ZNF683: variants seen among roughly 807,000 people sequenced by gnomAD.
The protein encoded by ZNF683 is zinc finger protein 683, also known as tissue-resident T-cell transcription regulator protein ZNF683.
In ZNF683, 20 loss-of-function variants were observed where a neutral mutation model predicts 31.4. That is an observed-to-expected ratio of 0.64 (90% CI 0.45 to 0.93). The LOEUF is 0.93. Among genes scored for constraint, ZNF683 ranks in the 40% least tolerant of loss-of-function variants. The probability of loss-of-function intolerance (pLI) is 0.00; values close to 1 mark genes in which losing one functional copy is unlikely to be tolerated. For synonymous variants in ZNF683, 264 were observed against 267.6 expected (o/e 0.99, Z 0.13); for missense variants, 621 against 637.2 (o/e 0.97, Z 0.27).
chr1:26,372,097 C>T (rs982649104), intron 1 of ZNF683, among the ~76,000 whole-genome samples: 2 of 152,126 alleles, frequency 1.3e-5, no homozygotes, highest in African/African-American at 2.4e-5. Flanking sequence ...TGAGTCTGGC[C>T]CAGGGTGCAA....
chr1:26,371,463 G>C (rs1345176695), intron 1 of ZNF683, among the ~76,000 whole-genome samples: 1 of 152,050 alleles, frequency 6.6e-6, no homozygotes, highest in African/African-American at 2.4e-5. Flanking sequence ...AGCTGGGCAT[G>C]GTGACTTGCA....
chr1:26,361,693 A>C lies in ZNF683; in HGVS notation c.1473T>G (p.Ser491Arg). 6.2e-7 allele frequency: 1 copy of C among 1,613,946 alleles called. No homozygotes were observed. The highest frequency in any genetic ancestry group is 2.2e-5 in the East Asian group (1 of 44,888). ...GCCCCATCACCAGGGGAGTCCCGGCACTGCTCAGGCTCACTGCTCTTGCTT... is the reference window on the plus strand; with the variant it reads ...GCCCCATCACCAGGGGAGTCCCGGCCCTGCTCAGGCTCACTGCTCTTGCTT... Reference protein sequence around the residue: ...QGKARAVSLSSAGTPLVMGQD... With the variant: ...QGKARAVSLSRAGTPLVMGQD... The change falls in exon 6 of 6, where the codon AGT becomes AGG. Residue 491 changes from serine (S) to arginine (R), a missense_variant. Ser to Arg is a moderately radical substitution (Grantham distance 110). Transcript: ENST00000349618.
intron 1 of ZNF683, 182 bp downstream of exon 1, chr1:26,372,486 TG>T (rs1473239942): frequency 7.7e-7 from 1 of 1,304,638 alleles, no homozygotes; most frequent in Admixed American, 2.3e-5. Context: ...CAGGCATACA[TG>T]GACTAGGTCG....
intron 2 of ZNF683, among the ~76,000 whole-genome samples, 156 bp from the exon 3 acceptor site, chr1:26,367,953 T>A (rs572505844): frequency 6.6e-6 from 1 of 152,240 alleles, no homozygotes; most frequent in South Asian, 2.1e-4. Context: ...TCTTCCCTCA[T>A]CCAAAGATCT....
At chr1:26,369,304 C>T (rs1443167498) in intron 1 of ZNF683, among the ~76,000 whole-genome samples, 1 of 152,024 alleles carries the variant, frequency 6.6e-6, no homozygotes, top group East Asian at 1.9e-4. Context: ...GCAGATGGAT[C>T]ACCTGAGGTC....
At chr1:26,372,131 G>C (rs11247935) in intron 1 of ZNF683, among the ~76,000 whole-genome samples, 34,620 of 151,892 alleles carry the variant, frequency 0.23, 4,419 homozygotes, top group East Asian at 0.58. Flanking sequence ...CCATCAATCT[G>C]CACCCCAGCC....
intron 4 of ZNF683, among the ~76,000 whole-genome samples, 168 bp from the exon 5 acceptor site, chr1:26,363,322 G>T (rs2074432541): frequency 6.6e-6 from 1 of 152,222 alleles, no homozygotes; most frequent in African/African-American, 2.4e-5. Context: ...GGAGATGGCA[G>T]TGGTCAGAAG....
intron 3 of ZNF683, among the ~76,000 whole-genome samples, chr1:26,366,357 A>AAAAAAAAAAAAAAAAAAG (rs2074523178): frequency 1.3e-5 from 2 of 151,402 alleles, no homozygotes; most frequent in African/African-American, 4.9e-5. Flanking sequence ...AAAAAAAAAA[A>AAAAAAAAAAAAAAAAAAG]AAAAAAAAGC....
chr1:26,361,643 A>G lies in ZNF683; in HGVS notation c.*8T>C. ...AGGAAGCCTCAAAGCATGACAGAAGAAACATTTTTAATTGTTCTGGTCCTG... is the reference window on the plus strand; with the variant it reads ...AGGAAGCCTCAAAGCATGACAGAAGGAACATTTTTAATTGTTCTGGTCCTG... On this transcript the variant is annotated 3_prime_UTR_variant, in exon 6 of 6. Transcript: ENST00000349618. The G allele has an allele frequency of 6.3e-7, 1 of 1,591,584 alleles. No homozygotes were observed. Among genetic ancestry groups the G allele is most frequent in the South Asian group, 1.1e-5 (1 of 87,674 alleles).
intron 1 of ZNF683, among the ~76,000 whole-genome samples, chr1:26,369,672 A>AAAAAAAAAAAAAGAAAG: frequency 7.6e-6 from 1 of 132,428 alleles, no homozygotes; most frequent in African/African-American, 3.4e-5. Flanking sequence ...TGTCTCCAAA[A>AAAAAAAAAAAAAGAAAG]AAAAAAAATT....
intron 1 of ZNF683, among the ~76,000 whole-genome samples, chr1:26,369,820 C>T (rs756239625): frequency 1.3e-5 from 2 of 151,884 alleles, no homozygotes; most frequent in African/African-American, 4.8e-5. Flanking sequence ...CAGAGTGAGA[C>T]TCGGTTCAAA....
At position 26,369,774 on chromosome 1, in the gene ZNF683, A is replaced by T. The variant is rs187293527; in HGVS notation, c.-14-1189T>A. 9.0e-4 allele frequency among the ~76,000 whole-genome samples: 132 copies of T among 147,128 alleles called. 3 individuals are homozygous for T. Among genetic ancestry groups the T allele is most frequent in the Admixed American group, 8.6e-3 (129 of 14,928 alleles). Reference sequence around the variant, plus strand: ...GAACCCAAGAGGCGGAGGTTGCAGTAGCCGAGATCATGTCACTGCACTCCA... The same window carrying T: ...GAACCCAAGAGGCGGAGGTTGCAGTTGCCGAGATCATGTCACTGCACTCCA... On this transcript the variant is annotated intron_variant, in intron 1 of 5. Transcript: ENST00000349618.
intron 4 of ZNF683, 120 bp from the exon 5 acceptor site, chr1:26,363,274 A>T: frequency 7.7e-7 from 1 of 1,294,176 alleles, no homozygotes; most frequent in East Asian, 2.6e-5. Context: ...AGGGCCCATC[A>T]TCCCCAGGAT....
chr1:26,370,594 C>T, intron 1 of ZNF683: 1 of 953,480 alleles, frequency 1.0e-6, no homozygotes, highest in Non-Finnish European at 1.2e-6. Flanking sequence ...CCTCTTTCCT[C>T]ACTCCTCCCA....
chr1:26,364,592 G>C lies in ZNF683; in HGVS notation c.954C>G (p.Gly318=). The C allele has an allele frequency of 1.2e-6, 2 of 1,614,008 alleles. No individual in the cohort carries two copies. Among genetic ancestry groups the C allele is most frequent in the Non-Finnish European group, 1.7e-6 (2 of 1,179,890 alleles). The part of the protein sequence containing the change: ...ALPYPLKKKN[G]KILYECNICG... ...ATATGTTGCACTCGTACAGGATTTT[G>C]CCATTCTTCTTTTTCAGCGGGTAAG... The change falls in exon 4 of 6, where the codon GGC becomes GGG. Residue 318 remains glycine (G), a synonymous_variant. Coordinates refer to ENST00000349618, the MANE Select transcript of ZNF683 (RefSeq NM_001114759.3).
intron 1 of ZNF683, among the ~76,000 whole-genome samples, chr1:26,369,540 C>T (rs999133778): frequency 7.3e-5 from 11 of 151,026 alleles, no homozygotes; most frequent in Non-Finnish European, 1.3e-4. Flanking sequence ...TGGTGGCGCA[C>T]GCCTGTAATC....
rs184023011 is a variant in ZNF683, at chr1:26,364,610, C to T, written c.936G>A (p.Pro312=). The T allele has an allele frequency of 4.7e-5, 76 of 1,613,942 alleles. No homozygotes were observed. Among genetic ancestry groups the T allele is most frequent in the Non-Finnish European group, 5.8e-5 (68 of 1,179,888 alleles). ...GGATTTTGCCATTCTTCTTTTTCAG[C>T]GGGTAAGGCAAGGCTGCGGTGCCTG... ...SQTGTAALPY[P]LKKKNGKILY... The change falls in exon 4 of 6, where the codon CCG becomes CCA. Residue 312 remains proline, a synonymous_variant. Coordinates refer to ENST00000349618, the MANE Select transcript of ZNF683 (RefSeq NM_001114759.3).
chr1:26,372,638 AC>A, intron 1 of ZNF683, 30 bp downstream of exon 1: 1 of 1,304,028 alleles, frequency 7.7e-7, no homozygotes, highest in Admixed American at 2.3e-5. Context: ...AATAAAAACT[AC>A]TTCCCCTCTA....
chr1:26,364,092 T>G (rs1176703199), intron 4 of ZNF683, among the ~76,000 whole-genome samples: 1 of 152,212 alleles, frequency 6.6e-6, no homozygotes, highest in Non-Finnish European at 1.5e-5. Context: ...GTCATCGGAC[T>G]GTGGTCTAGA....
Sources: allele counts gnomAD v4.1 joint callset (sites outside exome capture counted in the v4.1 genomes callset), GRCh38; gene constraint gnomAD v4.1.1; transcripts MANE v1.5; gene names NCBI Gene and HGNC (gene_info 2026-07-23, HGNC 2026-07-21).